Variants in CPE observed in about 807,000 individuals in gnomAD.
The protein encoded by CPE is carbocypeptidase E.
A neutral mutation model predicts 53.5 loss-of-function variants in CPE; 17 were observed. The ratio of observed to expected loss-of-function variants is 0.32; its 90% confidence interval spans 0.22 to 0.48. The LOEUF (loss-of-function observed/expected upper bound fraction) is 0.48. Among genes scored for constraint, CPE ranks in the 20% least tolerant of loss-of-function variants. CPE has a pLI of 0.99. For missense variants in CPE, 524 were observed against 614.7 expected (o/e 0.85, Z 1.56); for synonymous variants, 226 against 228.8 (o/e 0.99, Z 0.11).
intron 1 of CPE, among the ~76,000 whole-genome samples, chr4:165,435,757 A>C (rs986546573): frequency 6.6e-6 from 1 of 152,210 alleles, no homozygotes; most frequent in African/African-American, 2.4e-5. Context: ...ATATCAATCC[A>C]TGCCATTTTA....
At chr4:165,449,727 C>T (rs1731776106) in intron 1 of CPE, among the ~76,000 whole-genome samples, 1 of 151,798 alleles carries the variant, frequency 6.6e-6, no homozygotes. Context: ...ATTTAATTAT[C>T]TTCCCAGAAG....
intron 1 of CPE, among the ~76,000 whole-genome samples, chr4:165,415,795 G>C (rs1731110382): frequency 6.6e-6 from 1 of 151,866 alleles, no homozygotes; most frequent in Admixed American, 6.6e-5. Context: ...TATTTGTGTA[G>C]TACACAGGTA....
intron 1 of CPE, among the ~76,000 whole-genome samples, chr4:165,396,888 A>C (rs1011010288): frequency 2.0e-4 from 28 of 139,370 alleles, no homozygotes; most frequent in East Asian, 1.4e-3. Context: ...TGTCGCCACA[A>C]AAAAAAAAAA....
intron 6 of CPE, among the ~76,000 whole-genome samples, chr4:165,488,173 G>A (rs1355506869): frequency 6.6e-6 from 1 of 152,050 alleles, no homozygotes; most frequent in African/African-American, 2.4e-5. Flanking sequence ...ACCTTATGAG[G>A]GAAATTATCA....
At chr4:165,423,388 A>T (rs992090886) in intron 1 of CPE, among the ~76,000 whole-genome samples, 11 of 151,984 alleles carry the variant, frequency 7.2e-5, no homozygotes, top group African/African-American at 2.4e-4. Context: ...TTTATTTTTT[A>T]AAAAAGTTTT....
Position 165,484,573 on chromosome 4 carries a change from C to A in CPE, c.942C>A (p.Thr314=). 6.2e-7 allele frequency: 1 copy of A among 1,614,048 alleles called. No homozygotes were observed. The highest frequency in any genetic ancestry group is 1.3e-5 in the African/African-American group (1 of 75,048). ...ACAGCAGCTTTGTAGATGGAACCAC[C>A]AACGGTGGTGCTTGGTACAGCGTAC... ...DDDSSFVDGT[T]NGGAWYSVPG... The change falls in exon 5 of 9, where the codon ACC becomes ACA. Residue 314 remains threonine, a synonymous_variant. Coordinates refer to ENST00000402744, the MANE Select transcript of CPE (RefSeq NM_001873.4).
chr4:165,431,051 A>T (rs1464165153), intron 1 of CPE, among the ~76,000 whole-genome samples: 2 of 152,174 alleles, frequency 1.3e-5, no homozygotes, highest in African/African-American at 4.8e-5. Flanking sequence ...CAGCAGCCTG[A>T]GCCCCATTCC....
chr4:165,464,303 G>C, intron 1 of CPE, 87 bp from the exon 2 acceptor site: 2 of 1,078,638 alleles, frequency 1.9e-6, no homozygotes, highest in Non-Finnish European at 2.6e-6. Context: ...AAACCCATCA[G>C]ATATTCATAA....
chr4:165,428,150 C>G (rs1731353137), intron 1 of CPE, among the ~76,000 whole-genome samples: 2 of 152,164 alleles, frequency 1.3e-5, no homozygotes, highest in African/African-American at 4.8e-5. Flanking sequence ...CTGCCTTAGC[C>G]TCCTGAGTAG....
chr4:165,426,821 A>G (rs1489839192), intron 1 of CPE, among the ~76,000 whole-genome samples: 1 of 152,256 alleles, frequency 6.6e-6, no homozygotes, highest in Non-Finnish European at 1.5e-5. Flanking sequence ...TTGTCTCACA[A>G]CCAAGAAAAT....
chr4:165,413,875 C>T (rs1169295303), intron 1 of CPE, among the ~76,000 whole-genome samples: 1 of 152,140 alleles, frequency 6.6e-6, no homozygotes, highest in African/African-American at 2.4e-5. Flanking sequence ...CAAAGGTCTT[C>T]TGAGCATGGA....
Position 165,379,482 on chromosome 4 carries a change from G to GCTC in CPE, c.264_266dup (p.Leu89dup). On this transcript the variant is annotated inframe_insertion, in exon 1 of 9. Coordinates refer to ENST00000402744, the MANE Select transcript of CPE (RefSeq NM_001873.4). The surrounding 1 kb of genome is among the most constrained non-coding windows in gnomAD (Gnocchi z 6.0). Reference sequence around the variant, plus strand: ...TGGGGCGCAGCTTCGAGGGCCGGGAGCTCCTGGTCATCGAGCTGTCCGACA... The same window carrying GCTC: ...TGGGGCGCAGCTTCGAGGGCCGGGAGCTCCTCCTGGTCATCGAGCTGTCCGACA... The GCTC allele has an allele frequency of 1.2e-6, 2 of 1,602,526 alleles. No individual in the cohort carries two copies. The highest frequency in any genetic ancestry group is 8.5e-7 in the Non-Finnish European group (1 of 1,172,852).
intron 3 of CPE, among the ~76,000 whole-genome samples, chr4:165,480,511 C>T (rs936103794): frequency 1.3e-5 from 2 of 151,982 alleles, no homozygotes; most frequent in Admixed American, 6.5e-5. Context: ...GCTGTGTAGC[C>T]GGCCTGGCTG....
chr4:165,427,417 T>G (rs923983979), intron 1 of CPE, among the ~76,000 whole-genome samples: 1 of 152,210 alleles, frequency 6.6e-6, no homozygotes, highest in Non-Finnish European at 1.5e-5. Context: ...AAACATTTCC[T>G]GAACCATTTT....
intron 3 of CPE, among the ~76,000 whole-genome samples, chr4:165,480,306 T>C (rs1732382684): frequency 6.6e-6 from 1 of 152,346 alleles, no homozygotes; most frequent in Non-Finnish European, 1.5e-5. Flanking sequence ...TTAGCTAATA[T>C]AGATTTTAAC....
At chr4:165,487,331 G>A in intron 5 of CPE, 107 bp from the exon 6 acceptor site, 1 of 1,449,954 alleles carries the variant, frequency 6.9e-7, no homozygotes, top group Non-Finnish European at 9.4e-7. Flanking sequence ...CTTCCCAAAT[G>A]CCCTGGTTTG....
intron 1 of CPE, among the ~76,000 whole-genome samples, chr4:165,401,791 A>C (rs1730872696): frequency 6.6e-6 from 1 of 152,230 alleles, no homozygotes; most frequent in Non-Finnish European, 1.5e-5. Context: ...GAATTTAGAC[A>C]CAATGGTGGG....
intron 1 of CPE, chr4:165,404,758 C>G: frequency 1.3e-6 from 1 of 787,862 alleles, no homozygotes; most frequent in Non-Finnish European, 2.3e-6. Flanking sequence ...TGATGACCTT[C>G]CCCTGCTTGA....
rs548965300 is a variant in CPE at position 165,461,692 on chromosome 4, T to C, written c.308-2698T>C. 4.6e-5 allele frequency among the ~76,000 whole-genome samples: 7 copies of C among 152,306 alleles called. No individual in the cohort carries two copies. The East Asian group carries it at 1.4e-3, about 29-fold the overall frequency. On this transcript the variant is annotated intron_variant, in intron 1 of 8. Coordinates refer to ENST00000402744, the MANE Select transcript of CPE (RefSeq NM_001873.4). ...CTGAGTCTTCTTCCAGACTCTACAT[T>C]CCTTCAGTTTAGGAATGCTGACATA...
Sources: gnomAD v4.1 joint callset for allele counts (sites outside exome capture counted in the v4.1 genomes callset) on GRCh38, gnomAD v4.1.1 for gene constraint, Gnocchi (gnomAD v3.1) non-coding constraint, MANE v1.5 for transcripts, NCBI Gene and HGNC (gene_info 2026-07-23, HGNC 2026-07-21) for gene names.